The following FAM90A20 variants were observed in gnomAD, a reference collection of about 807,000 sequenced individuals.
The protein encoded by FAM90A20 is protein FAM90A20.
At chr8:7,296,525 C>A in the FAM90A20 span, 2 of 631,662 alleles carry the variant, frequency 3.2e-6, no homozygotes, top group Admixed American at 2.2e-5. Flanking sequence ...GTCAGGGCCT[C>A]CACGATCCTT....
At chr8:7,296,168 A>T in the FAM90A20 span, 1 of 638,508 alleles carries the variant, frequency 1.6e-6, no homozygotes, top group South Asian at 1.6e-5. Context: ...AGAGGCGGAA[A>T]GGGCACCAGA....
the FAM90A20 span, among the ~76,000 whole-genome samples, chr8:7,296,053 C>T: frequency 7.7e-6 from 1 of 130,012 alleles, no homozygotes; most frequent in Non-Finnish European, 1.5e-5. Flanking sequence ...CATGCAGGTT[C>T]CCCACGACAG....
chr8:7,297,985 T>G, the FAM90A20 span: 7 of 679,906 alleles, frequency 1.0e-5, no homozygotes, highest in Non-Finnish European at 1.8e-5. Context: ...ACCTTCAGGT[T>G]TCCTCCTCCT....
chr8:7,297,359 G>A, the FAM90A20 span: 11 of 1,437,162 alleles, frequency 7.7e-6, no homozygotes, highest in South Asian at 1.1e-5. Context: ...TCCCCAGGCT[G>A]CCTCCAAAAC....
the FAM90A20 span, chr8:7,297,698 C>G: frequency 1.5e-5 from 22 of 1,421,902 alleles, no homozygotes; most frequent in South Asian, 9.1e-5. Context: ...GGCCCAGGTG[C>G]CCAGCGTTGA....
chr8:7,295,868 C>T, the FAM90A20 span: 2 of 673,292 alleles, frequency 3.0e-6, no homozygotes, highest in Non-Finnish European at 5.2e-6. Flanking sequence ...TCTTAGGGTA[C>T]TGCCTCCTAA....
chr8:7,297,809 G>A, the FAM90A20 span: 4 of 1,175,158 alleles, frequency 3.4e-6, no homozygotes, highest in Non-Finnish European at 4.9e-6. Flanking sequence ...GCCTCTCAGA[G>A]TGCTCTTCCG....
chr8:7,297,722 C>T, the FAM90A20 span: 8 of 1,494,888 alleles, frequency 5.4e-6, 1 homozygote, highest in South Asian at 2.2e-5. Flanking sequence ...GCAGCCTCCG[C>T]ACCGCAGACC....
the FAM90A20 span, among the ~76,000 whole-genome samples, chr8:7,296,862 A>T: frequency 1.1e-4 from 15 of 136,802 alleles, 4 homozygotes; most frequent in African/African-American, 4.9e-4. Flanking sequence ...GATCAGCTAC[A>T]CATAGCTCGA....
At chr8:7,295,813 G>A in the FAM90A20 span, 6 of 1,037,428 alleles carry the variant, frequency 5.8e-6, no homozygotes, top group East Asian at 1.5e-4. Context: ...ATAAGGGAGA[G>A]AAGGAAGAGA....
chr8:7,297,288 A>C, the FAM90A20 span: 31 of 1,355,332 alleles, frequency 2.3e-5, 2 homozygotes, highest in South Asian at 2.9e-4. Flanking sequence ...CACCAGGTCC[A>C]CGAGACTCTC....
chr8:7,296,420 G>A, the FAM90A20 span: 1 of 732,460 alleles, frequency 1.4e-6, no homozygotes, highest in Non-Finnish European at 2.5e-6. Context: ...CCGGGCCCCT[G>A]GTCCTTTTAT....
At chr8:7,295,883 A>T in the FAM90A20 span, 8 of 644,222 alleles carry the variant, frequency 1.2e-5, 3 homozygotes, top group African/African-American at 1.2e-4. Context: ...TCCTAAGGAC[A>T]TGGTGTCTCT....
chr8:7,297,051 C>G, the FAM90A20 span: 3 of 1,489,470 alleles, frequency 2.0e-6, no homozygotes, highest in South Asian at 1.2e-5. Flanking sequence ...GTGTTGTTTC[C>G]TCTCTTTCAG....
At chr8:7,296,358 G>T in the FAM90A20 span, 2 of 745,844 alleles carry the variant, frequency 2.7e-6, no homozygotes, top group Non-Finnish European at 4.8e-6. Context: ...AGCCGCTGCC[G>T]AATGGAAAAG....
chr8:7,295,548 T>C, the FAM90A20 span: 9 of 644,822 alleles, frequency 1.4e-5, 1 homozygote, highest in African/African-American at 6.4e-5. Flanking sequence ...AGCTCTGAAT[T>C]CACAATCCAT....
chr8:7,295,795 G>A, the FAM90A20 span: 2 of 1,178,634 alleles, frequency 1.7e-6, no homozygotes, highest in South Asian at 1.2e-5. Context: ...CGGGGCCCTT[G>A]AACAAGGATA....
chr8:7,296,254 C>A, the FAM90A20 span: 2 of 693,872 alleles, frequency 2.9e-6, no homozygotes, highest in Non-Finnish European at 5.2e-6. Context: ...TGGGGAAAAC[C>A]AGGGGGCACG....
the FAM90A20 span, chr8:7,297,684 C>G: frequency 1.4e-6 from 2 of 1,403,030 alleles, no homozygotes; most frequent in Non-Finnish European, 1.9e-6. Flanking sequence ...GGCAGGAGGA[C>G]ACCGGCCCAG....
Sources: allele counts gnomAD v4.1 joint callset (sites outside exome capture counted in the v4.1 genomes callset), GRCh38; gene constraint gnomAD v4.1.1; transcripts MANE v1.5; gene names NCBI Gene and HGNC (gene_info 2026-07-23, HGNC 2026-07-21).